MTERF4: variants seen among roughly 807,000 people sequenced by gnomAD.
MTERF4 encodes transcription termination factor 4, mitochondrial.
In MTERF4, 17 loss-of-function variants were observed where a neutral mutation model predicts 22.5. The ratio of observed to expected loss-of-function variants is 0.75; its 90% CI spans 0.52 to 1.13. The LOEUF is 1.13. Among genes scored for constraint, MTERF4 ranks in the 50% most tolerant of loss-of-function variants. MTERF4 has a pLI of 0.00. For missense variants in MTERF4, 420 were observed against 466.8 expected, an observed-to-expected ratio of 0.90 and a Z score of 0.92; for synonymous variants, 165 against 175.3, an observed-to-expected ratio of 0.94 and a Z score of 0.47.
In MTERF4 at chr2:241,095,602, G is replaced by T; in HGVS notation, c.*396C>A. The T allele has an allele frequency of 5.3e-6, 1 of 188,960 alleles. No homozygotes were observed. The highest frequency in any genetic ancestry group is 1.1e-5 in the Non-Finnish European group (1 of 90,806). 11.7% of individuals were successfully genotyped at this position (188,960 alleles called of 1,614,324 possible). A position where few individuals can be genotyped will look rare whatever the true frequency, so the allele number is the denominator to read the frequency against. ...TCTCGTAATTTTATTTTTATCACAA[G>T]AAGGAAATACATAGTGATTCCTGAA... On this transcript the variant is annotated 3_prime_UTR_variant, in exon 4 of 4. Transcript: ENST00000391980.
chr2:241,096,443 A>AGTCCC lies in MTERF4; in HGVS notation c.706-6_706-5insGGGAC. ...TCCCATCCTGAAGTATGCATACTGG[A>AGTCCC]AGACACAAACACACTTAGGAGTCCC... On this transcript the variant is annotated splice_region_variant and splice_polypyrimidine_tract_variant and intron_variant, in intron 3 of 3. Transcript: ENST00000391980. This position sits in a 1 kb window ranked among gnomAD's most constrained non-coding sequence, Gnocchi z 5.1. The AGTCCC allele has an allele frequency of 6.2e-7, 1 of 1,613,674 alleles. No homozygotes were observed. The highest frequency in any genetic ancestry group is 8.5e-7 in the Non-Finnish European group (1 of 1,179,790).
chr2:241,047,102 G>A, the MTERF4 span, among the ~76,000 whole-genome samples: 4 of 141,190 alleles, frequency 2.8e-5, no homozygotes, highest in Admixed American at 2.3e-4. Flanking sequence ...CCGAGATCGC[G>A]CCACTGCACT....
chr2:241,063,754 C>A, the MTERF4 span: 3 of 1,303,218 alleles, frequency 2.3e-6, no homozygotes, highest in East Asian at 4.9e-5. Flanking sequence ...TCTGGAAGAT[C>A]AGAGAGGAGG....
chr2:241,090,073 T>G (rs1404844367), downstream of MTERF4: 6 of 1,517,262 alleles, frequency 4.0e-6, no homozygotes, highest in African/African-American at 8.4e-5. Context: ...CTTAGCTTAC[T>G]GTAACTTTTT....
chr2:241,052,570 C>A, the MTERF4 span: 1 of 931,794 alleles, frequency 1.1e-6, no homozygotes, highest in Non-Finnish European at 1.7e-6. Flanking sequence ...CAGTGCCAGG[C>A]AGGTGAGAGG....
At chr2:241,086,254 T>TAAG (rs2063569921), downstream of MTERF4, among the ~76,000 whole-genome samples, 2 of 152,248 alleles carry the variant, frequency 1.3e-5, no homozygotes, top group African/African-American at 2.4e-5. Flanking sequence ...AGTTCTTCTT[T>TAAG]GCCTTGTGGG....
chr2:241,087,827 C>G (rs2125332985), downstream of MTERF4: 1 of 606,846 alleles, frequency 1.6e-6, no homozygotes. Context: ...TTTTTATTCA[C>G]TCACACCCAG....
the MTERF4 span, among the ~76,000 whole-genome samples, chr2:241,066,490 G>C: frequency 1.3e-5 from 2 of 152,230 alleles, no homozygotes. Context: ...GTGGGGTGCA[G>C]GGCCATGGGG....
At position 241,096,380 on chromosome 2, in the gene MTERF4, T is replaced by C. The variant is rs1160208371; in HGVS notation, c.764A>G (p.Gln255Arg). Residue 255 changes from glutamine to arginine, a missense_variant, in exon 4 of 4, where the codon CAG (glutamine) becomes CGG (arginine). By Grantham distance (43) the Gln-to-Arg change is conservative. Coordinates refer to ENST00000391980, the MANE Select transcript of MTERF4 (RefSeq NM_182501.4). This position sits in a 1 kb window ranked among gnomAD's most constrained non-coding sequence, Gnocchi z 5.1. Reference sequence around the variant, plus strand: ...CTGCTTAATCTTGGTTAGTGAATACTGCAAGTACTCACTCTTTACAATGTC... The same window carrying C: ...CTGCTTAATCTTGGTTAGTGAATACCGCAAGTACTCACTCTTTACAATGTC... ...HPDIVKSEYL[Q>R]YSLTKIKQRH... 4 of 1,614,078 alleles carry C rather than the reference T, an allele frequency of 2.5e-6. No individual in the cohort carries two copies. The highest frequency in any genetic ancestry group is 2.7e-5 in the African/African-American group (2 of 74,926).
At chr2:241,085,732 T>G (rs2063538504), downstream of MTERF4, among the ~76,000 whole-genome samples, 1 of 152,178 alleles carries the variant, frequency 6.6e-6, no homozygotes, top group South Asian at 2.1e-4. Flanking sequence ...TCAAGAATGT[T>G]TTTTCTCTGC....
At chr2:241,048,798 C>T in the MTERF4 span, 1 of 1,516,576 alleles carries the variant, frequency 6.6e-7, no homozygotes, top group Non-Finnish European at 9.1e-7. Context: ...CCTGCCCTGT[C>T]CCTGAGCATC....
the MTERF4 span, chr2:241,052,001 G>A: frequency 1.9e-6 from 3 of 1,575,200 alleles, no homozygotes; most frequent in Admixed American, 5.1e-5. Context: ...AACGTGGGAG[G>A]GGCAGTGGGC....
At chr2:241,065,175 A>G in the MTERF4 span, 5 of 1,017,748 alleles carry the variant, frequency 4.9e-6, no homozygotes, top group Non-Finnish European at 7.2e-6. Context: ...ACAAAGAAGG[A>G]CTCTGCCAGC....
At chr2:241,052,486 A>C in the MTERF4 span, 37 of 1,447,058 alleles carry the variant, frequency 2.6e-5, no homozygotes, top group African/African-American at 4.3e-4. Flanking sequence ...GGTCAGGGGG[A>C]TCAAGCAGGG....
the MTERF4 span, among the ~76,000 whole-genome samples, chr2:241,052,732 CCA>C: frequency 0.022 from 973 of 43,950 alleles, 233 homozygotes; most frequent in East Asian, 0.11. Context: ...GATACCAGTG[CCA>C]GGCAGGTGAG....
the MTERF4 span, among the ~76,000 whole-genome samples, chr2:241,058,364 G>A: frequency 6.6e-6 from 1 of 151,996 alleles, no homozygotes; most frequent in Non-Finnish European, 1.5e-5. Context: ...TTAATTAAAT[G>A]TCTGACTTCA....
downstream of MTERF4, chr2:241,092,444 A>G (rs1286764554): frequency 6.6e-6 from 1 of 152,182 alleles, no homozygotes; most frequent in Non-Finnish European, 1.5e-5. This position sits in a 1 kb window ranked among gnomAD's most constrained non-coding sequence, Gnocchi z 4.6. Flanking sequence ...GTGGTGGCCA[A>G]ATTGGCCCAT....
At position 241,073,044 on chromosome 2, in the gene MTERF4, A is replaced by G. The variant is rs2062812963; in HGVS notation, n.3118T>C. 3.7e-6 allele frequency: 2 copies of G among 537,096 alleles called. No homozygotes were observed. The highest frequency in any genetic ancestry group is 6.6e-6 in the Non-Finnish European group (2 of 301,818). 33.3% of individuals were successfully genotyped at this position (537,096 alleles called of 1,614,324 possible). The stretch of plus-strand genomic sequence containing the variant: ...GAAGCAGCTCTGAGGGGGCCCTGCA[A>G]GGGGAAGGCCGAGCCCCTCCAGAGG... On this transcript the variant is annotated non_coding_transcript_exon_variant, in exon 5 of 5. Coordinates refer to the MTERF4 transcript ENST00000464344. The surrounding 1 kb of genome is among the most constrained non-coding windows in gnomAD (Gnocchi z 6.6).
At chr2:241,076,866 C>T (rs2063046042) in intron 4 of MTERF4, among the ~76,000 whole-genome samples, 1 of 152,128 alleles carries the variant, frequency 6.6e-6, no homozygotes, top group Non-Finnish European at 1.5e-5. Flanking sequence ...CCGAGGCGGG[C>T]GGATCACCAG....
Sources: gnomAD v4.1 joint callset for allele counts (sites outside exome capture counted in the v4.1 genomes callset) on GRCh38, gnomAD v4.1.1 for gene constraint, Gnocchi (gnomAD v3.1) non-coding constraint, MANE v1.5 for transcripts, NCBI Gene and HGNC (gene_info 2026-07-23, HGNC 2026-07-21) for gene names.